SLC9A9: variants seen among roughly 807,000 people sequenced by gnomAD.
SLC9A9 encodes the protein solute carrier family 9 member A9, also known as sodium/hydrogen exchanger 9.
SLC9A9 carries 62 observed loss-of-function variants against 77.8 expected under a neutral mutation model. The observed-to-expected ratio is 0.80, with a 90% CI of 0.65 to 0.98. The LOEUF (loss-of-function observed/expected upper bound fraction) is 0.98, where lower values mean the gene tolerates loss of function less well. SLC9A9 is among the 50% of genes least tolerant of loss of function. The probability of loss-of-function intolerance (pLI) is 0.00; values close to 1 mark genes in which losing one functional copy is unlikely to be tolerated. For synonymous variants in SLC9A9, 320 were observed against 283.5 expected (o/e 1.13, Z -1.29); for missense variants, 775 against 774.9 (o/e 1.00, Z 0.00).
intron 6 of SLC9A9, chr3:143,626,719 A>T (rs1388362257): frequency 6.6e-6 from 1 of 152,178 alleles, no homozygotes; most frequent in Admixed American, 6.5e-5. Context: ...ATACATATGT[A>T]ACTAACCTGG....
intron 2 of SLC9A9, among the ~76,000 whole-genome samples, chr3:143,812,759 C>G (rs1159042785): frequency 2.0e-5 from 3 of 152,164 alleles, no homozygotes; most frequent in Non-Finnish European, 4.4e-5. Context: ...TAGAGACTAA[C>G]AGAGAGACTA....
At chr3:143,327,135 G>C (rs2031631175) in intron 14 of SLC9A9, among the ~76,000 whole-genome samples, 1 of 152,120 alleles carries the variant, frequency 6.6e-6, no homozygotes, top group Non-Finnish European at 1.5e-5. Context: ...GAACTAACTT[G>C]TAGAGCCTCT....
chr3:143,373,347 C>T (rs553622348), intron 13 of SLC9A9, among the ~76,000 whole-genome samples: 16 of 152,080 alleles, frequency 1.1e-4, no homozygotes, highest in African/African-American at 2.7e-4. Context: ...AAATAACTCA[C>T]GAATGGTAAA....
intron 4 of SLC9A9, among the ~76,000 whole-genome samples, chr3:143,783,095 G>T (rs981276272): frequency 6.6e-6 from 1 of 151,994 alleles, no homozygotes; most frequent in Non-Finnish European, 1.5e-5. Flanking sequence ...TTCATCATCT[G>T]GTCAGAACGA....
intron 4 of SLC9A9, among the ~76,000 whole-genome samples, chr3:143,716,237 G>T (rs147458536): frequency 6.4e-4 from 97 of 152,080 alleles, no homozygotes; most frequent in Non-Finnish European, 9.0e-4. Flanking sequence ...ACCATGCCAG[G>T]CTCATTTTTT....
chr3:143,614,236 G>A (rs562465541), intron 6 of SLC9A9, among the ~76,000 whole-genome samples: 20 of 152,248 alleles, frequency 1.3e-4, no homozygotes, highest in Non-Finnish European at 2.8e-4. Context: ...TCATGTTCCT[G>A]TTTCTGGTTA....
intron 2 of SLC9A9, among the ~76,000 whole-genome samples, chr3:143,825,804 C>G (rs907038948): frequency 6.6e-6 from 1 of 152,184 alleles, no homozygotes; most frequent in African/African-American, 2.4e-5. Context: ...GTAAATTTAA[C>G]TGTACTGACA....
intron 12 of SLC9A9, among the ~76,000 whole-genome samples, chr3:143,418,840 G>C (rs916862012): frequency 6.6e-6 from 1 of 152,148 alleles, no homozygotes; most frequent in Admixed American, 6.6e-5. Flanking sequence ...TGCTGGCAGG[G>C]AGAAGGCATG....
intron 7 of SLC9A9, among the ~76,000 whole-genome samples, chr3:143,578,284 C>T (rs2037395662): frequency 1.3e-5 from 2 of 152,178 alleles, no homozygotes; most frequent in South Asian, 4.1e-4. Context: ...CCTGATGGTT[C>T]CCGTTCACTA....
At chr3:143,835,882 C>T (rs901898061) in intron 1 of SLC9A9, among the ~76,000 whole-genome samples, 2 of 152,186 alleles carry the variant, frequency 1.3e-5, no homozygotes, top group African/African-American at 2.4e-5. Flanking sequence ...GGTTGAGGTT[C>T]CTGCATACAC....
chr3:143,559,327 C>T (rs1164088203), intron 8 of SLC9A9, among the ~76,000 whole-genome samples: 3 of 152,182 alleles, frequency 2.0e-5, no homozygotes, highest in East Asian at 1.9e-4. Context: ...TTATGTCTTC[C>T]AATTCCCAAT....
intron 9 of SLC9A9, among the ~76,000 whole-genome samples, chr3:143,510,502 G>T (rs2036099142): frequency 6.6e-6 from 1 of 152,090 alleles, no homozygotes; most frequent in Admixed American, 6.6e-5. Flanking sequence ...TTGGATAAAA[G>T]CACCTAGGCT....
chr3:143,486,007 A>G (rs1347807543), intron 11 of SLC9A9, among the ~76,000 whole-genome samples: 1 of 152,156 alleles, frequency 6.6e-6, no homozygotes, highest in Non-Finnish European at 1.5e-5. Context: ...CAAAGTTTTT[A>G]AAGAATGTTG....
intron 9 of SLC9A9, among the ~76,000 whole-genome samples, chr3:143,507,663 T>G (rs1309681710): frequency 6.6e-6 from 1 of 152,246 alleles, no homozygotes; most frequent in Admixed American, 6.5e-5. Flanking sequence ...GTCTTTGTAA[T>G]TAGCCTATGC....
chr3:143,355,344 A>G (rs1037562281), intron 14 of SLC9A9, among the ~76,000 whole-genome samples: 1 of 152,242 alleles, frequency 6.6e-6, no homozygotes, highest in Non-Finnish European at 1.5e-5. Context: ...GGCTATCAGT[A>G]GGTATAAATA....
chr3:143,804,574 C>G (rs2008658403), intron 2 of SLC9A9, among the ~76,000 whole-genome samples: 1 of 152,162 alleles, frequency 6.6e-6, no homozygotes, highest in Non-Finnish European at 1.5e-5. Context: ...TGCACAAGGT[C>G]TCTTCTTGCT....
chr3:143,564,318 C>T (rs2037134348), intron 8 of SLC9A9, among the ~76,000 whole-genome samples: 1 of 152,132 alleles, frequency 6.6e-6, no homozygotes, highest in African/African-American at 2.4e-5. Context: ...GAAGCATGCT[C>T]TACCTTGACA....
intron 14 of SLC9A9, among the ~76,000 whole-genome samples, chr3:143,329,259 G>A (rs1333774911): frequency 6.6e-6 from 1 of 152,222 alleles, no homozygotes; most frequent in Non-Finnish European, 1.5e-5. Context: ...GTATGTGTTT[G>A]GGGTGGAGGT....
At chr3:143,700,477 CA>C (rs1202251418) in intron 4 of SLC9A9, among the ~76,000 whole-genome samples, 1 of 152,136 alleles carries the variant, frequency 6.6e-6, no homozygotes, top group African/African-American at 2.4e-5. Flanking sequence ...GCATTAACTG[CA>C]AGCTGACTGA....
Sources: allele counts gnomAD v4.1 joint callset (sites outside exome capture counted in the v4.1 genomes callset), GRCh38; gene constraint gnomAD v4.1.1; transcripts MANE v1.5; gene names NCBI Gene and HGNC (gene_info 2026-07-23, HGNC 2026-07-21).